EYA2: variants seen among roughly 807,000 people sequenced by gnomAD.
EYA2 encodes the protein protein phosphatase EYA2.
EYA2 carries 31 observed loss-of-function variants against 69.2 expected under a neutral mutation model. That is an observed-to-expected ratio of 0.45 (90% CI 0.34 to 0.60). The LOEUF (loss-of-function observed/expected upper bound fraction) is 0.60, where lower values mean the gene tolerates loss of function less well. Ranked by LOEUF, EYA2 falls within the 20% of genes least tolerant of loss-of-function variation. The probability of loss-of-function intolerance (pLI) is 0.02; values close to 1 mark genes in which losing one functional copy is unlikely to be tolerated. For missense variants in EYA2, 622 were observed against 701.2 expected (o/e 0.89, Z 1.28); for synonymous variants, 257 against 279.4 (o/e 0.92, Z 0.80).
intron 11 of EYA2, among the ~76,000 whole-genome samples, chr20:47,170,392 A>G (rs1327914244): frequency 6.6e-6 from 1 of 151,784 alleles, no homozygotes; most frequent in East Asian, 2.0e-4. Flanking sequence ...CACGCCTGTA[A>G]TCCCAGCACT....
chr20:46,980,983 A>T (rs1019442301), intron 1 of EYA2, among the ~76,000 whole-genome samples: 1 of 152,132 alleles, frequency 6.6e-6, no homozygotes, highest in Admixed American at 6.5e-5. Context: ...TGCATACCAC[A>T]TTTTCTTTAT....
chr20:46,934,180 GAAAC>G (rs763182112), intron 1 of EYA2, among the ~76,000 whole-genome samples: 63 of 152,232 alleles, frequency 4.1e-4, no homozygotes, highest in Non-Finnish European at 1.0e-4. Flanking sequence ...CAAAGCCGTT[GAAAC>G]AAACAAAAGA....
At chr20:47,069,152 C>T (rs964734147) in intron 5 of EYA2, among the ~76,000 whole-genome samples, 5 of 152,094 alleles carry the variant, frequency 3.3e-5, no homozygotes, top group Middle Eastern at 3.2e-3. Flanking sequence ...AAAGCCAAAA[C>T]AAACTTGAAA....
At chr20:46,986,504 A>G (rs1981228382) in intron 1 of EYA2, among the ~76,000 whole-genome samples, 1 of 137,082 alleles carries the variant, frequency 7.3e-6, no homozygotes, top group Admixed American at 7.3e-5. Flanking sequence ...ATATAAAGAT[A>G]TAAACAATAG....
At chr20:47,135,813 C>T in intron 9 of EYA2, among the ~76,000 whole-genome samples, 1 of 70,472 alleles carries the variant, frequency 1.4e-5, no homozygotes, top group African/African-American at 3.9e-5. Flanking sequence ...GAGACCCTGT[C>T]TCTACAAAAA....
intron 5 of EYA2, among the ~76,000 whole-genome samples, chr20:47,046,746 A>C (rs970668778): frequency 6.6e-6 from 1 of 152,228 alleles, no homozygotes; most frequent in Non-Finnish European, 1.5e-5. Context: ...GTTCTGGACC[A>C]GGTTTGACAC....
intron 1 of EYA2, among the ~76,000 whole-genome samples, chr20:46,960,622 T>A (rs12481408): frequency 0.35 from 53,443 of 151,780 alleles, 10,458 homozygotes; most frequent in Admixed American, 0.51. Flanking sequence ...CCATGTCTCA[T>A]AGGCCAAATC....
chr20:47,136,061 A>G (rs1451531616), intron 9 of EYA2, among the ~76,000 whole-genome samples: 2 of 152,076 alleles, frequency 1.3e-5, no homozygotes, highest in African/African-American at 4.8e-5. Flanking sequence ...AAATCCAGGA[A>G]AAAAAGTCTT....
chr20:46,918,016 T>C (rs1198843827), intron 1 of EYA2, among the ~76,000 whole-genome samples: 1 of 152,190 alleles, frequency 6.6e-6, no homozygotes, highest in Admixed American at 6.5e-5. Context: ...GCAGAACATC[T>C]TTCAAAATTA....
chr20:47,064,283 C>T (rs1290465925), intron 5 of EYA2, among the ~76,000 whole-genome samples: 1 of 152,210 alleles, frequency 6.6e-6, no homozygotes, highest in African/African-American at 2.4e-5. Context: ...TTTCAAAGGT[C>T]ATCCATGCTG....
intron 10 of EYA2, among the ~76,000 whole-genome samples, chr20:47,157,353 CAAAAAAA>C (rs57425490): frequency 1.4e-3 from 83 of 60,768 alleles, no homozygotes; most frequent in African/African-American, 1.9e-3. Flanking sequence ...GACTCCGTCT[CAAAAAAA>C]AAAAAAAAAA....
chr20:47,066,990 G>A (rs1160288823), intron 5 of EYA2, among the ~76,000 whole-genome samples: 3 of 152,114 alleles, frequency 2.0e-5, no homozygotes, highest in African/African-American at 7.2e-5. Context: ...CTTCTTCCTG[G>A]GTCCTCTCTG....
chr20:46,950,976 C>T (rs1311078632), intron 1 of EYA2, among the ~76,000 whole-genome samples: 1 of 152,226 alleles, frequency 6.6e-6, no homozygotes, highest in Admixed American at 6.5e-5. Flanking sequence ...ATAACACGTG[C>T]CGCTGAGTAA....
At chr20:46,991,346 G>C (rs1347738828) in intron 2 of EYA2, among the ~76,000 whole-genome samples, 1 of 152,182 alleles carries the variant, frequency 6.6e-6, no homozygotes, top group Non-Finnish European at 1.5e-5. Context: ...TAACTTTTCT[G>C]AGCCTCAGTT....
intron 5 of EYA2, among the ~76,000 whole-genome samples, chr20:47,057,731 C>A (rs1261803585): frequency 6.6e-6 from 1 of 152,204 alleles, no homozygotes; most frequent in African/African-American, 2.4e-5. Flanking sequence ...ACCCATGAGG[C>A]CTCCTTTGCA....
At chr20:47,185,612 C>G (rs1432752478) in intron 15 of EYA2, among the ~76,000 whole-genome samples, 1 of 152,076 alleles carries the variant, frequency 6.6e-6, no homozygotes, top group African/African-American at 2.4e-5. Flanking sequence ...AAATTACACT[C>G]TTTAAAGAGG....
intron 2 of EYA2, among the ~76,000 whole-genome samples, chr20:46,991,954 G>A (rs1201120872): frequency 1.2e-4 from 14 of 119,290 alleles, no homozygotes; most frequent in African/African-American, 3.5e-4. Flanking sequence ...GGCGACAGAC[G>A]TGAGACTCCG....
At chr20:46,954,019 C>T (rs943654445) in intron 1 of EYA2, among the ~76,000 whole-genome samples, 10 of 152,184 alleles carry the variant, frequency 6.6e-5, no homozygotes, top group African/African-American at 2.4e-4. Flanking sequence ...ATGTTCCAAC[C>T]ACACGATTCT....
intron 6 of EYA2, among the ~76,000 whole-genome samples, chr20:47,072,914 T>G (rs2031369210): frequency 6.6e-6 from 1 of 152,240 alleles, no homozygotes; most frequent in Non-Finnish European, 1.5e-5. Context: ...TTAACATATT[T>G]AGATCTGAGG....
Sources: gnomAD v4.1 joint callset for allele counts (sites outside exome capture counted in the v4.1 genomes callset) on GRCh38, gnomAD v4.1.1 for gene constraint, MANE v1.5 for transcripts, NCBI Gene and HGNC (gene_info 2026-07-23, HGNC 2026-07-21) for gene names.